The following CELF3 variants were observed in gnomAD, a reference collection of about 807,000 sequenced individuals.
CELF3 encodes the protein CAG repeat domain.
CELF3 carries 26 observed loss-of-function variants against 59.6 expected under a neutral mutation model. The observed-to-expected ratio is 0.44, with a 90% CI of 0.32 to 0.61. The LOEUF (loss-of-function observed/expected upper bound fraction) is 0.61, where lower values mean the gene tolerates loss of function less well. Among genes scored for constraint, CELF3 ranks in the 20% least tolerant of loss-of-function variants. The pLI is 0.06. For synonymous variants in CELF3, 245 were observed against 250.7 expected (o/e 0.98, Z 0.22); for missense variants, 387 against 627.2 (o/e 0.62, Z 4.09).
rs1202164913 is a variant in CELF3 at position 151,709,583 on chromosome 1, T to G, written c.277+160A>C. The stretch of plus-strand genomic sequence containing the variant: ...TTTTGCCATCTGTACCCGCCCCAGA[T>G]CTCACCCGCTCTGGCCACACTGACT... On this transcript the variant is annotated intron_variant, in intron 3 of 12. Transcript: ENST00000290583. This position sits in a 1 kb window ranked among gnomAD's most constrained non-coding sequence, Gnocchi z 4.9. The G allele has an allele frequency of 7.6e-6, 7 of 925,452 alleles. No individual in the cohort carries two copies. In the African/African-American group the frequency reaches 1.1e-4, roughly 15 times the overall value. 57.3% of individuals were successfully genotyped at this position (925,452 alleles called of 1,614,324 possible).
chr1:151,716,726 C>CCG lies in CELF3; in HGVS notation c.-708_-707dup, dbSNP rs1558114793. ...CCTGGGCTGCTGCCGGCTGCTCCCGCCGCTGGGGCTGCCTGCTTTCCCGGT... is the reference window on the plus strand; with the variant it reads ...CCTGGGCTGCTGCCGGCTGCTCCCGCCGCGCTGGGGCTGCCTGCTTTCCCGGT... On this transcript the variant is annotated 5_prime_UTR_variant, in exon 1 of 13. Coordinates refer to ENST00000290583, the MANE Select transcript of CELF3 (RefSeq NM_007185.7). 3 of 461,196 alleles carry CCG rather than the reference C, an allele frequency of 6.5e-6. No individual in the cohort carries two copies. Among genetic ancestry groups the CCG allele is most frequent in the African/African-American group, 2.1e-5 (1 of 48,316 alleles). 28.6% of individuals were successfully genotyped at this position (461,196 alleles called of 1,614,324 possible).
intron 12 of CELF3, 59 bp downstream of exon 12, chr1:151,704,972 A>C: frequency 6.5e-7 from 1 of 1,535,522 alleles, no homozygotes; most frequent in Non-Finnish European, 8.8e-7. Flanking sequence ...AGTCCAATCG[A>C]GGGCCCTGGC....
In CELF3 at chr1:151,703,069, C is replaced by G. The variant is rs1008753515; in HGVS notation, c.*390G>C. The G allele has an allele frequency of 6.8e-5, 29 of 424,180 alleles. No individual in the cohort carries two copies. The highest frequency in any genetic ancestry group is 5.9e-4 in the African/African-American group (29 of 49,108). 26.3% of individuals were successfully genotyped at this position (424,180 alleles called of 1,614,324 possible). A position where few individuals can be genotyped will look rare whatever the true frequency, so the allele number is the denominator to read the frequency against. On this transcript the variant is annotated 3_prime_UTR_variant, in exon 13 of 13. Coordinates refer to ENST00000290583, the MANE Select transcript of CELF3 (RefSeq NM_007185.7). The stretch of plus-strand genomic sequence containing the variant: ...GGGTGAGCTGGGAGTGTGTGGCAGG[C>G]CCCTGCGGCTCTCCTGGGGCCTGCA...
In CELF3 at chr1:151,707,190, G is replaced by A. The variant is rs917638350; in HGVS notation, c.877C>T (p.Pro293Ser). 6.5e-7 allele frequency: 1 copy of A among 1,527,438 alleles called. No homozygotes were observed. The highest frequency in any genetic ancestry group is 8.7e-7 in the Non-Finnish European group (1 of 1,144,084). 94.6% of individuals were successfully genotyped at this position (1,527,438 alleles called of 1,614,324 possible). The stretch of plus-strand genomic sequence containing the variant: ...TTGGGATACAGAGCATCAGGGGCAG[G>A]CTGCCCAGTGGGCTGGGTGGGCACC... Reference protein sequence around the residue: ...SPVPTQPTGQPAPDALYPNGV... With the variant: ...SPVPTQPTGQSAPDALYPNGV... The change falls in exon 8 of 13, where the codon CCT becomes TCT. Residue 293 changes from proline to serine, a missense_variant. This residue lies in a region of CELF3 where 131 missense variants were observed against 153.7 expected (regional missense o/e 0.85). Transcript: ENST00000290583.
Position 151,706,722 on chromosome 1 carries a change from G to T in CELF3, c.935C>A (p.Ala312Glu). Residue 312 changes from alanine to glutamate, a missense_variant, in exon 9 of 13, where the codon GCG becomes GAG. Physicochemically the swap from Ala to Glu is moderately radical, Grantham distance 107. Coordinates refer to ENST00000290583, the MANE Select transcript of CELF3 (RefSeq NM_007185.7). ...GVHPYPAQSP[A>E]APVDPLQQAY... ...CTGCTGCAGGGGGTCCACGGGGGCC[G>T]CGGGGCTCTGGGCTGGGGAGAGCAG... 1.3e-6 allele frequency: 2 copies of T among 1,550,162 alleles called. No homozygotes were observed. Among genetic ancestry groups the T allele is most frequent in the Non-Finnish European group, 1.7e-6 (2 of 1,146,332 alleles).
intron 2 of CELF3, chr1:151,712,103 C>A (rs1298705530): frequency 6.6e-6 from 1 of 152,316 alleles, no homozygotes. Flanking sequence ...GCTCAGGCTT[C>A]GTTAGCTCAG....
At chr1:151,711,629 G>T (rs1341110803) in intron 2 of CELF3, among the ~76,000 whole-genome samples, 1 of 152,224 alleles carries the variant, frequency 6.6e-6, no homozygotes, top group African/African-American at 2.4e-5. Context: ...CGTGTCGTGG[G>T]GGCAGATGCT....
intron 5 of CELF3, chr1:151,708,256 A>G: frequency 3.2e-6 from 1 of 309,170 alleles, no homozygotes; most frequent in Non-Finnish European, 6.0e-6. Flanking sequence ...GGGTTGCCAC[A>G]GCAAATGTTT....
At chr1:151,706,538 AG>A in intron 9 of CELF3, 130 bp downstream of exon 9, 1 of 1,221,090 alleles carries the variant, frequency 8.2e-7, no homozygotes, top group Non-Finnish European at 1.2e-6. Flanking sequence ...CCCTCCCCAC[AG>A]TTGGGCTTGT....
At chr1:151,703,910 G>A (rs996152224) in intron 12 of CELF3, among the ~76,000 whole-genome samples, 1 of 152,006 alleles carries the variant, frequency 6.6e-6, no homozygotes, top group Non-Finnish European at 1.5e-5. Flanking sequence ...GACCACCCCC[G>A]GCCCCCAGTT....
chr1:151,714,202 C>T (rs1477135508), intron 2 of CELF3, among the ~76,000 whole-genome samples: 1 of 152,154 alleles, frequency 6.6e-6, no homozygotes, highest in Non-Finnish European at 1.5e-5. Context: ...CTCACAGCCA[C>T]CCAGCCTGCC....
rs773406645 is a variant in CELF3, at chr1:151,706,243, C to A, written c.1107G>T (p.Gln369His). Residue 369 changes from glutamine (Q) to histidine (H), a missense_variant, in exon 10 of 13, where the codon CAG becomes CAT. By Grantham distance (24) the Gln-to-His change is conservative. This residue lies in a region of CELF3 where 131 missense variants were observed against 153.7 expected (regional missense o/e 0.85). Transcript: ENST00000290583. ...QQQQQQQQQQQQQQQREGPDG... is the reference protein window; with the variant it reads ...QQQQQQQQQQHQQQQREGPDG... The stretch of plus-strand genomic sequence containing the variant: ...CAGCACCTTCTCTTTGCTGCTGCTG[C>A]TGTTGCTGCTGCTGCTGCTGCTGCT... The A allele has an allele frequency of 2.5e-6, 4 of 1,601,790 alleles. No homozygotes were observed. The highest frequency in any genetic ancestry group is 3.4e-6 in the Non-Finnish European group (4 of 1,174,702).
At chr1:151,706,452 CAGTGGCACCTGCAGGGCTGAG>C (rs1672549257) in intron 9 of CELF3, 91 bp from the exon 10 acceptor site, 5 of 1,359,200 alleles carry the variant, frequency 3.7e-6, no homozygotes, top group Non-Finnish European at 5.0e-6. Flanking sequence ...TAGCCCAGGC[CAGTGGCACCTGCAGGGCTGAG>C]AGGTGGTCAG....
At chr1:151,707,057 G>C in intron 8 of CELF3, 88 bp downstream of exon 8, 1 of 1,347,200 alleles carries the variant, frequency 7.4e-7, no homozygotes, top group Non-Finnish European at 9.8e-7. Flanking sequence ...TACCCCCAAA[G>C]CTGGGAGGGA....
At chr1:151,706,594 A>G in intron 9 of CELF3, 75 bp downstream of exon 9, 1 of 1,460,940 alleles carries the variant, frequency 6.8e-7, no homozygotes, top group Non-Finnish European at 9.4e-7. Flanking sequence ...CAAGAAGCCC[A>G]GACCCAGTTA....
chr1:151,706,251 G>C lies in CELF3; in HGVS notation c.1099C>G (p.Gln367Glu). The C allele has an allele frequency of 6.3e-7, 1 of 1,584,164 alleles. No individual in the cohort carries two copies. Among genetic ancestry groups the C allele is most frequent in the Non-Finnish European group, 8.6e-7 (1 of 1,165,058 alleles). The change falls in exon 10 of 13, where the codon CAG becomes GAG. Residue 367 changes from glutamine to glutamate, a missense_variant. Physicochemically the swap from Gln to Glu is conservative, Grantham distance 29. Transcript: ENST00000290583. ...TCTCTTTGCTGCTGCTGCTGTTGCT[G>C]CTGCTGCTGCTGCTGCTGCTGTTGA... is the stretch of plus-strand genomic sequence containing the variant. The part of the protein sequence containing the change: ...PPQQQQQQQQ[Q>E]QQQQQQREGP...
In CELF3 at chr1:151,709,083, G is replaced by T; in HGVS notation, c.407-6C>A. 6.2e-7 allele frequency: 1 copy of T among 1,613,796 alleles called. No homozygotes were observed. Among genetic ancestry groups the T allele is most frequent in the Non-Finnish European group, 8.5e-7 (1 of 1,179,812 alleles). On this transcript the variant is annotated splice_polypyrimidine_tract_variant and splice_region_variant and intron_variant, in intron 4 of 12. Transcript: ENST00000290583. This position sits in a 1 kb window ranked among gnomAD's most constrained non-coding sequence, Gnocchi z 4.9. ...GAACTTCACGAAGGCGCAGCCTGGA[G>T]AGGTTGAGATGGAGGAGGAGAGGGG...
At position 151,700,860 on chromosome 1, in the gene CELF3, T is replaced by C. The variant is rs1672036504; in HGVS notation, c.*2599A>G. ...GGAGAAAGTTTTAGCATTGGCCCTA[T>C]GATGATGTAGATATGGATGGGAAGT... On this transcript the variant is annotated 3_prime_UTR_variant, in exon 13 of 13. Coordinates refer to ENST00000290583, the MANE Select transcript of CELF3 (RefSeq NM_007185.7). Among the ~76,000 whole-genome samples the C allele has an allele frequency of 6.6e-6, 1 of 152,230 alleles. No homozygotes were observed. The highest frequency in any genetic ancestry group is 2.4e-5 in the African/African-American group (1 of 41,460).
At chr1:151,708,011 T>C in intron 5 of CELF3, 76 bp from the exon 6 acceptor site, 1 of 1,500,218 alleles carries the variant, frequency 6.7e-7, no homozygotes, top group Non-Finnish European at 8.9e-7. Context: ...GGACCTGGTC[T>C]CCATTCCACC....
Sources: allele counts gnomAD v4.1 joint callset (sites outside exome capture counted in the v4.1 genomes callset), GRCh38; gene constraint gnomAD v4.1.1; regional missense constraint gnomAD v4.1.1; non-coding constraint Gnocchi (gnomAD v3.1); transcripts MANE v1.5; gene names NCBI Gene and HGNC (gene_info 2026-07-23, HGNC 2026-07-21).